RELN: variants seen among roughly 807,000 people sequenced by gnomAD.
RELN encodes the protein reelin.
Under a neutral mutation model 427.6 loss-of-function variants are expected in RELN, and 108 were observed. That is an observed-to-expected ratio of 0.25 (90% CI 0.22 to 0.30). The LOEUF is 0.30. RELN is among the 10% of genes least tolerant of loss of function. The pLI is 1.00. For synonymous variants in RELN, 1,524 were observed against 1,513.4 expected, an observed-to-expected ratio of 1.01 and a Z score of -0.16; for missense variants, 3,715 against 4,302.8, an observed-to-expected ratio of 0.86 and a Z score of 3.82.
At chr7:103,938,203 C>A (rs1204538082) in intron 1 of RELN, among the ~76,000 whole-genome samples, 1 of 152,024 alleles carries the variant, frequency 6.6e-6, no homozygotes, top group Admixed American at 6.6e-5. Context: ...TGCCTGTTAT[C>A]CCAGCTACTC....
intron 2 of RELN, among the ~76,000 whole-genome samples, chr7:103,901,592 C>T (rs1181384120): frequency 1.3e-5 from 2 of 151,918 alleles, no homozygotes; most frequent in Admixed American, 6.6e-5. Flanking sequence ...AGTACTAACA[C>T]GTGCTTCAAT....
At chr7:103,662,953 C>T (rs1328921732) in intron 11 of RELN, among the ~76,000 whole-genome samples, 2 of 152,180 alleles carry the variant, frequency 1.3e-5, no homozygotes, top group African/African-American at 2.4e-5. Context: ...CTAGCACAAT[C>T]TCTCGCCTTG....
At chr7:103,749,628 A>G in intron 5 of RELN, 124 bp from the exon 6 acceptor site, 1 of 735,602 alleles carries the variant, frequency 1.4e-6, no homozygotes, top group East Asian at 2.6e-5. Context: ...TTAAATGAGC[A>G]GTTGATTATA....
At chr7:103,904,087 T>C (rs138869312) in intron 2 of RELN, among the ~76,000 whole-genome samples, 1,841 of 152,266 alleles carry the variant, frequency 0.012, 17 homozygotes, top group Admixed American at 0.019. Context: ...CTCCCACTTA[T>C]AAGTGAGAAC....
chr7:103,669,176 G>A (rs974042924), intron 11 of RELN, among the ~76,000 whole-genome samples: 4 of 152,090 alleles, frequency 2.6e-5, no homozygotes, highest in African/African-American at 9.7e-5. Context: ...ACTGTTGGAA[G>A]ATAACAAAAG....
intron 3 of RELN, among the ~76,000 whole-genome samples, chr7:103,831,839 A>T (rs1793280808): frequency 6.6e-6 from 1 of 152,176 alleles, no homozygotes; most frequent in Admixed American, 6.6e-5. Context: ...AATTTTGAGT[A>T]ATCAAGGCTG....
chr7:103,675,690 A>G (rs756763800), intron 11 of RELN, among the ~76,000 whole-genome samples: 7 of 152,266 alleles, frequency 4.6e-5, no homozygotes, highest in Non-Finnish European at 8.8e-5. Context: ...CAAAACAGAG[A>G]TATAGACCAA....
chr7:103,890,901 C>A (rs1480356025), intron 2 of RELN, among the ~76,000 whole-genome samples: 1 of 152,074 alleles, frequency 6.6e-6, no homozygotes, highest in African/African-American at 2.4e-5. Context: ...CATGGTGAAA[C>A]CCCGTCTCTA....
chr7:103,889,032 T>C (rs1245679651), intron 2 of RELN, among the ~76,000 whole-genome samples: 1 of 152,186 alleles, frequency 6.6e-6, no homozygotes, highest in Non-Finnish European at 1.5e-5. Context: ...CAGCTCCTTG[T>C]TCTGACCCTT....
At chr7:103,928,477 A>T (rs1467246976) in intron 1 of RELN, among the ~76,000 whole-genome samples, 1 of 152,208 alleles carries the variant, frequency 6.6e-6, no homozygotes, top group Non-Finnish European at 1.5e-5. Context: ...ATCTAGGTGG[A>T]TTCTGTGTGA....
intron 1 of RELN, among the ~76,000 whole-genome samples, chr7:103,959,085 G>C (rs891284557): frequency 6.7e-5 from 10 of 149,024 alleles, no homozygotes; most frequent in African/African-American, 1.9e-4. Flanking sequence ...TGGGATTACA[G>C]GCACCTGCCA....
chr7:103,831,384 C>T (rs1163578628), intron 3 of RELN, among the ~76,000 whole-genome samples: 1 of 151,952 alleles, frequency 6.6e-6, no homozygotes, highest in African/African-American at 2.4e-5. Context: ...GACACTGTAG[C>T]AACTAATGGA....
chr7:103,849,208 A>G (rs192001649), intron 2 of RELN, among the ~76,000 whole-genome samples: 5 of 152,356 alleles, frequency 3.3e-5, no homozygotes, highest in African/African-American at 9.6e-5. Context: ...TCTGGGAGTA[A>G]TTATTGACTA....
chr7:103,902,702 T>G (rs1444795483), intron 2 of RELN, among the ~76,000 whole-genome samples: 2 of 152,060 alleles, frequency 1.3e-5, no homozygotes, highest in Admixed American at 6.6e-5. Context: ...AGCCTACATG[T>G]CTATTATGCT....
At chr7:103,950,261 A>T (rs4727579) in intron 1 of RELN, among the ~76,000 whole-genome samples, 104,084 of 152,048 alleles carry the variant, frequency 0.68, 35,935 homozygotes, top group African/African-American at 0.77. Context: ...GGGATCAGGA[A>T]TTTAACATAT....
chr7:103,539,047 CT>C, intron 45 of RELN, 30 bp downstream of exon 45: 1 of 1,612,936 alleles, frequency 6.2e-7, no homozygotes, highest in Non-Finnish European at 8.5e-7. Flanking sequence ...GCCCACATGC[CT>C]GTCCCTCTAT....
chr7:103,540,516 AC>A, intron 43 of RELN, 61 bp from the exon 44 acceptor site: 3 of 1,513,456 alleles, frequency 2.0e-6, no homozygotes, highest in Non-Finnish European at 2.7e-6. Context: ...ATGCTTAACA[AC>A]AGACAAGCAC....
intron 2 of RELN, among the ~76,000 whole-genome samples, chr7:103,891,938 G>T (rs1794858255): frequency 6.6e-6 from 1 of 152,074 alleles, no homozygotes; most frequent in African/African-American, 2.4e-5. Flanking sequence ...ATGAACAAAA[G>T]GAAGGAAGAA....
intron 10 of RELN, among the ~76,000 whole-genome samples, chr7:103,687,488 T>A (rs1323428706): frequency 3.3e-5 from 5 of 152,168 alleles, no homozygotes; most frequent in Non-Finnish European, 1.5e-5. Flanking sequence ...GAGCATTAGA[T>A]AAAATACTGC....
Sources: gnomAD v4.1 joint callset for allele counts (sites outside exome capture counted in the v4.1 genomes callset) on GRCh38, gnomAD v4.1.1 for gene constraint, MANE v1.5 for transcripts, NCBI Gene and HGNC (gene_info 2026-07-23, HGNC 2026-07-21) for gene names.